The following COL25A1 variants were observed in gnomAD, a reference collection of about 807,000 sequenced individuals.
COL25A1 encodes collagen type XXV alpha 1 chain.
A neutral mutation model predicts 128.4 loss-of-function variants in COL25A1; 103 were observed. The observed-to-expected ratio is 0.80, with a 90% confidence interval of 0.68 to 0.94. The LOEUF (loss-of-function observed/expected upper bound fraction) is 0.94. Ranked by LOEUF, COL25A1 falls within the 40% of genes least tolerant of loss-of-function variation. The pLI, the probability that COL25A1 is intolerant of heterozygous loss-of-function variation, is 0.00. For synonymous variants in COL25A1, 279 were observed against 277.2 expected, an observed-to-expected ratio of 1.01 and a Z score of -0.06; for missense variants, 745 against 840.0, an observed-to-expected ratio of 0.89 and a Z score of 1.40.
chr4:109,254,746 T>C (rs1228072424), intron 3 of COL25A1, among the ~76,000 whole-genome samples: 2 of 151,920 alleles, frequency 1.3e-5, no homozygotes, highest in Non-Finnish European at 2.9e-5. Flanking sequence ...ACTATTACTG[T>C]GTTTTGATCA....
chr4:109,292,715 G>A (rs1428504566), intron 3 of COL25A1, among the ~76,000 whole-genome samples: 1 of 152,012 alleles, frequency 6.6e-6, no homozygotes, highest in African/African-American at 2.4e-5. Context: ...GTTAGCATGT[G>A]TCAGGATCTG....
chr4:109,080,170 C>T (rs1021617711), intron 3 of COL25A1, among the ~76,000 whole-genome samples: 3 of 152,036 alleles, frequency 2.0e-5, no homozygotes, highest in African/African-American at 7.2e-5. Context: ...TAATCCTTAC[C>T]TCAATTTATA....
At chr4:108,847,282 C>G (rs1735226453) in intron 27 of COL25A1, among the ~76,000 whole-genome samples, 1 of 152,040 alleles carries the variant, frequency 6.6e-6, no homozygotes, top group Admixed American at 6.6e-5. Flanking sequence ...CTTCAATATA[C>G]TAATGGCTCA....
chr4:109,214,866 T>C (rs1777863155), intron 3 of COL25A1, among the ~76,000 whole-genome samples: 1 of 152,158 alleles, frequency 6.6e-6, no homozygotes, highest in South Asian at 2.1e-4. Context: ...GGCATAGCGC[T>C]AACGAGACAG....
intron 3 of COL25A1, among the ~76,000 whole-genome samples, chr4:109,195,687 A>G (rs779064867): frequency 6.6e-6 from 1 of 152,206 alleles, no homozygotes; most frequent in Non-Finnish European, 1.5e-5. Context: ...AGACTGTCAT[A>G]TTGAACAGAT....
chr4:108,827,277 CA>C, intron 32 of COL25A1, 89 bp from the exon 33 acceptor site: 1 of 1,104,166 alleles, frequency 9.1e-7, no homozygotes, highest in Non-Finnish European at 1.4e-6. Context: ...GCCTCTATTT[CA>C]AGGACCATTC....
chr4:109,154,118 T>C (rs959189463), intron 3 of COL25A1, among the ~76,000 whole-genome samples: 2 of 152,206 alleles, frequency 1.3e-5, no homozygotes, highest in African/African-American at 4.8e-5. Flanking sequence ...GTAAATCAAA[T>C]CTAGGCTAAA....
chr4:108,916,313 C>A (rs1042896712), intron 13 of COL25A1, among the ~76,000 whole-genome samples: 3 of 152,136 alleles, frequency 2.0e-5, no homozygotes, highest in African/African-American at 7.2e-5. Flanking sequence ...CATAAAACTG[C>A]AAATATTAAC....
chr4:109,015,950 C>T (rs1166377984), intron 5 of COL25A1, among the ~76,000 whole-genome samples: 2 of 152,202 alleles, frequency 1.3e-5, no homozygotes, highest in Non-Finnish European at 2.9e-5. Context: ...GGAGGTGCAG[C>T]CAGGGCTGTA....
chr4:109,010,901 A>C (rs556342414), intron 5 of COL25A1, among the ~76,000 whole-genome samples: 1 of 152,354 alleles, frequency 6.6e-6, no homozygotes, highest in Non-Finnish European at 1.5e-5. Flanking sequence ...ATAAACCTTT[A>C]TCTTTTATTC....
In COL25A1 at chr4:108,841,011, A is replaced by G. The variant is rs184658529; in HGVS notation, c.1656+684T>C. Among the ~76,000 whole-genome samples, 4 of 152,330 alleles carry G rather than the reference A, an allele frequency of 2.6e-5. No homozygotes were observed. In the East Asian group the frequency reaches 7.7e-4, roughly 29 times the overall value. On this transcript the variant is annotated intron_variant, in intron 31 of 37. Transcript: ENST00000399132. ...GTCTTCATCACGTATGCTCCCTGAA[A>G]GGGGGACCTTGTCTTTCAGGGCTTA...
chr4:108,930,123 G>A (rs1012901261), intron 11 of COL25A1, among the ~76,000 whole-genome samples: 1 of 152,070 alleles, frequency 6.6e-6, no homozygotes, highest in Non-Finnish European at 1.5e-5. Flanking sequence ...GAAAGTGTAT[G>A]CATGTGTGAG....
chr4:108,846,770 C>T (rs191551716), intron 27 of COL25A1, among the ~76,000 whole-genome samples: 1 of 152,280 alleles, frequency 6.6e-6, no homozygotes, highest in East Asian at 1.9e-4. Flanking sequence ...AAAAGTATGA[C>T]AACCTCTTCA....
At chr4:109,189,954 T>G (rs1050157780) in intron 3 of COL25A1, among the ~76,000 whole-genome samples, 3 of 152,128 alleles carry the variant, frequency 2.0e-5, no homozygotes, top group African/African-American at 7.2e-5. Flanking sequence ...GTGGTATGTT[T>G]CCAAATATTA....
At chr4:109,279,826 C>T (rs1723195331) in intron 3 of COL25A1, among the ~76,000 whole-genome samples, 1 of 152,150 alleles carries the variant, frequency 6.6e-6, no homozygotes, top group African/African-American at 2.4e-5. Flanking sequence ...TTTTCTCCAG[C>T]ATCCTGGAGC....
In COL25A1 at chr4:108,891,133, G is replaced by GA. The variant is rs1309171162; in HGVS notation, c.907-1401dup. Among the ~76,000 whole-genome samples the GA allele has an allele frequency of 3.3e-5, 5 of 152,198 alleles. No homozygotes were observed. In the East Asian group the frequency reaches 9.6e-4, roughly 29 times the overall value. On this transcript the variant is annotated intron_variant, in intron 16 of 37. Coordinates refer to ENST00000399132, the MANE Select transcript of COL25A1 (RefSeq NM_198721.4). ...TATGCTCAATACATGTAAGGTGAAC[G>GA]AATGAACAGATCTCAAAAAGAATTT... is the stretch of plus-strand genomic sequence containing the variant.
intron 8 of COL25A1, among the ~76,000 whole-genome samples, chr4:108,955,503 C>A (rs1749969584): frequency 2.0e-5 from 3 of 152,144 alleles, no homozygotes. Context: ...TTCCCTTCCC[C>A]TCTCCTATTC....
intron 3 of COL25A1, among the ~76,000 whole-genome samples, chr4:109,218,356 G>GTTTTTTTTTTTTTTT (rs796441649): frequency 2.0e-5 from 2 of 100,462 alleles, no homozygotes; most frequent in African/African-American, 4.1e-5. Flanking sequence ...GGTTTTTTGG[G>GTTTTTTTTTTTTTTT]GTTTTTTTTT....
chr4:108,997,940 A>G (rs958116961), intron 6 of COL25A1, among the ~76,000 whole-genome samples: 3 of 152,076 alleles, frequency 2.0e-5, no homozygotes, highest in Non-Finnish European at 2.9e-5. Context: ...CATGCTAAAA[A>G]CTCTCAATAA....
Sources: gnomAD v4.1 joint callset for allele counts (sites outside exome capture counted in the v4.1 genomes callset) on GRCh38, gnomAD v4.1.1 for gene constraint, MANE v1.5 for transcripts, NCBI Gene and HGNC (gene_info 2026-07-23, HGNC 2026-07-21) for gene names.